Variants in A2M observed in about 807,000 individuals in gnomAD.
The protein encoded by A2M is C3 and PZP-like alpha-2-macroglobulin domain-containing protein 5.
In A2M, 128 loss-of-function variants were observed where a neutral mutation model predicts 183.9. The ratio of observed to expected loss-of-function variants is 0.70; its 90% confidence interval spans 0.60 to 0.81. A2M has a LOEUF of 0.81. Among genes scored for constraint, A2M ranks in the 30% least tolerant of loss-of-function variants. The pLI, the probability that A2M is intolerant of heterozygous loss-of-function variation, is 0.00. For synonymous variants in A2M, 592 were observed against 670.8 expected (o/e 0.88, Z 1.81); for missense variants, 1,495 against 1,787.6 (o/e 0.84, Z 2.95).
chr12:9,107,421 T>C, intron 8 of A2M, 103 bp downstream of exon 8: 1 of 1,357,258 alleles, frequency 7.4e-7, no homozygotes, highest in Non-Finnish European at 1.0e-6. Context: ...CATGGAATTC[T>C]CTTCTAGATT....
In A2M at chr12:9,095,077, C is replaced by T. The variant is rs751226734; in HGVS notation, c.2021G>A (p.Gly674Asp). The T allele has an allele frequency of 1.3e-6, 2 of 1,561,102 alleles. No homozygotes were observed. The highest frequency in any genetic ancestry group is 8.7e-7 in the Non-Finnish European group (1 of 1,147,500). Residue 674 changes from glycine to aspartate, a missense_variant, in exon 17 of 36, where the codon GGC (glycine) becomes GAC (aspartate). Physicochemically the swap from Gly to Asp is moderately conservative, Grantham distance 94. Coordinates refer to ENST00000318602, the MANE Select transcript of A2M (RefSeq NM_000014.6). ...CTTTGAGTTGGTGAATGCCTTTAAG[C>T]CCATGTCCTGCAAAGAAAATTATCA... ...KDMYSFLEDM[G>D]LKAFTNSKIR...
At chr12:9,097,697 G>A (rs1316224286) in intron 15 of A2M, among the ~76,000 whole-genome samples, 1 of 146,000 alleles carries the variant, frequency 6.8e-6, no homozygotes, top group Non-Finnish European at 1.5e-5. Context: ...GCAGTGGCAC[G>A]ATCTCGGCTC....
intron 31 of A2M, 97 bp downstream of exon 31, chr12:9,072,262 A>C: frequency 1.4e-6 from 2 of 1,413,844 alleles, no homozygotes; most frequent in Non-Finnish European, 1.9e-6. Context: ...TGAATAGTGC[A>C]AATATCTACT....
intron 22 of A2M, 41 bp from the exon 23 acceptor site, chr12:9,080,218 GC>G: frequency 7.4e-7 from 1 of 1,353,514 alleles, no homozygotes; most frequent in Non-Finnish European, 1.0e-6. Flanking sequence ...AATTATTTCT[GC>G]ATTATATCTT....
At chr12:9,114,747 G>A (rs1362093564) in intron 1 of A2M, among the ~76,000 whole-genome samples, 1 of 151,640 alleles carries the variant, frequency 6.6e-6, no homozygotes, top group Non-Finnish European at 1.5e-5. Context: ...ACATATATAT[G>A]TAACATATGT....
intron 25 of A2M, 111 bp downstream of exon 25, chr12:9,079,133 C>T (rs1420187282): frequency 1.3e-6 from 1 of 791,292 alleles, no homozygotes. Context: ...GTATAACAAA[C>T]CATCGGTCTG....
intron 25 of A2M, among the ~76,000 whole-genome samples, chr12:9,078,519 A>G (rs1948815183): frequency 6.6e-6 from 1 of 152,186 alleles, no homozygotes; most frequent in East Asian, 1.9e-4. Context: ...ATGTGTCATT[A>G]TAGTAGAATG....
At chr12:9,116,102 A>ACATTCC (rs1565608171), upstream of A2M, 5 of 463,774 alleles carry the variant, frequency 1.1e-5, no homozygotes, top group East Asian at 1.8e-4. Flanking sequence ...GGCTAAAACT[A>ACATTCC]CATTCCCATT....
At chr12:9,069,487 T>C (rs118031360) in intron 33 of A2M, among the ~76,000 whole-genome samples, 1 of 152,270 alleles carries the variant, frequency 6.6e-6, no homozygotes, top group East Asian at 1.9e-4. Flanking sequence ...GTCAACATAA[T>C]AAACACATTT....
At chr12:9,068,881 C>A in intron 33 of A2M, 39 bp from the exon 34 acceptor site, 1 of 1,439,234 alleles carries the variant, frequency 6.9e-7, no homozygotes. Context: ...TTTCAGGAAG[C>A]TTTCTTCTCT....
At chr12:9,109,564 G>A (rs377067256) in intron 6 of A2M, among the ~76,000 whole-genome samples, 159 bp from the exon 7 acceptor site, 2 of 152,176 alleles carry the variant, frequency 1.3e-5, no homozygotes, top group African/African-American at 4.8e-5. Flanking sequence ...CTCAAATGAA[G>A]ATTTCAGTTG....
At position 9,112,552 on chromosome 12, in the gene A2M, G is replaced by T. The variant is rs370915527; in HGVS notation, c.271-16C>A. ...ACTTTGGGACCTGAAATACAGGACCGATCCTGAAACCCCATTCAGCACCCG... is the reference window on the plus strand; with the variant it reads ...ACTTTGGGACCTGAAATACAGGACCTATCCTGAAACCCCATTCAGCACCCG... On this transcript the variant is annotated splice_polypyrimidine_tract_variant and intron_variant, in intron 2 of 35. Coordinates refer to ENST00000318602, the MANE Select transcript of A2M (RefSeq NM_000014.6). The T allele has an allele frequency of 2.5e-6, 4 of 1,612,824 alleles. No homozygotes were observed. Among genetic ancestry groups the T allele is most frequent in the Non-Finnish European group, 3.4e-6 (4 of 1,179,522 alleles).
chr12:9,074,101 A>C (rs995565021), intron 29 of A2M, among the ~76,000 whole-genome samples: 1 of 151,822 alleles, frequency 6.6e-6, no homozygotes, highest in African/African-American at 2.4e-5. Context: ...AAAAAAAAAA[A>C]AAAAAAGGTG....
intron 22 of A2M, among the ~76,000 whole-genome samples, chr12:9,087,049 A>C (rs1159014703): frequency 6.6e-6 from 1 of 152,234 alleles, no homozygotes; most frequent in African/African-American, 2.4e-5. Flanking sequence ...TATAAACAAT[A>C]TGTAGAAATA....
In A2M at chr12:9,091,354, C is replaced by A. The variant is rs1163276202; in HGVS notation, c.2316G>T (p.Leu772=). Reference sequence around the variant, plus strand: ...AGATACCAAGTCCAGCATCTTCAGACAGGCAGAAGGCCCCTGCCTTCCACT... The same window carrying A: ...AGATACCAAGTCCAGCATCTTCAGAAAGGCAGAAGGCCCCTGCCTTCCACT... The part of the protein sequence containing the change: ...ITEWKAGAFC[L]SEDAGLGISS... Residue 772 remains leucine, a synonymous_variant, in exon 19 of 36, where the codon CTG becomes CTT. Transcript: ENST00000318602. The A allele has an allele frequency of 3.1e-6, 5 of 1,614,092 alleles. No individual in the cohort carries two copies. Among genetic ancestry groups the A allele is most frequent in the Non-Finnish European group, 4.2e-6 (5 of 1,180,048 alleles).
In A2M at chr12:9,089,241, A is replaced by T. The variant is rs1326715613; in HGVS notation, c.2729T>A (p.Leu910Gln). Residue 910 changes from leucine (L) to glutamine (Q), a missense_variant, in exon 22 of 36, where the codon CTA becomes CAA. Physicochemically the swap from Leu to Gln is moderately radical, Grantham distance 113 (BLOSUM62 -2). Transcript: ENST00000318602. The stretch of plus-strand genomic sequence containing the variant: ...GGAGTTGAATGTTGTTTCCTTCTCT[A>T]GTCCTTCAGGCTTTAGGTAAAAGAA... ...IKPLLVEPEG[L>Q]EKETTFNSLL... 1.3e-6 allele frequency: 2 copies of T among 1,587,300 alleles called. No individual in the cohort carries two copies. The highest frequency in any genetic ancestry group is 1.7e-6 in the Non-Finnish European group (2 of 1,164,818).
At chr12:9,078,117 G>A (rs1948801815) in intron 25 of A2M, among the ~76,000 whole-genome samples, 1 of 152,040 alleles carries the variant, frequency 6.6e-6, no homozygotes, top group Admixed American at 6.6e-5. Flanking sequence ...GAACGTGCAG[G>A]TTTGTTACAT....
At chr12:9,068,293 T>C (rs1213822952) in intron 34 of A2M, 69 bp from the exon 35 acceptor site, 4 of 1,518,790 alleles carry the variant, frequency 2.6e-6, no homozygotes, top group Admixed American at 3.6e-5. Flanking sequence ...CAAACATCTG[T>C]GGGATACAGG....
intron 22 of A2M, among the ~76,000 whole-genome samples, chr12:9,085,188 A>G (rs961971543): frequency 6.6e-6 from 1 of 152,110 alleles, no homozygotes; most frequent in Non-Finnish European, 1.5e-5. Context: ...GACCTAATGG[A>G]TACATACAGA....
Sources: gnomAD v4.1 joint callset for allele counts (sites outside exome capture counted in the v4.1 genomes callset) on GRCh38, gnomAD v4.1.1 for gene constraint, MANE v1.5 for transcripts, NCBI Gene and HGNC (gene_info 2026-07-23, HGNC 2026-07-21) for gene names.